TBX1: variants seen among roughly 807,000 people sequenced by gnomAD.
The protein encoded by TBX1 is T-box transcription factor TBX1.
Under a neutral mutation model 40.8 loss-of-function variants are expected in TBX1, and 16 were observed. That is an observed-to-expected ratio of 0.39 (90% CI 0.27 to 0.60). The LOEUF (loss-of-function observed/expected upper bound fraction) is 0.60. TBX1 is among the 20% of genes least tolerant of loss of function. TBX1 has a pLI of 0.51. For synonymous variants in TBX1, 403 were observed against 336.8 expected, an observed-to-expected ratio of 1.20 and a Z score of -2.15; for missense variants, 755 against 728.5, an observed-to-expected ratio of 1.04 and a Z score of -0.42.
downstream of TBX1, chr22:19,783,027 A>G: frequency 1.0e-6 from 1 of 969,624 alleles, no homozygotes; most frequent in Non-Finnish European, 1.7e-6. Flanking sequence ...ACTTGAAGGT[A>G]CTCAGGTTGG....
At chr22:19,781,807 A>G (rs1421550968), downstream of TBX1, among the ~76,000 whole-genome samples, 3 of 152,188 alleles carry the variant, frequency 2.0e-5, no homozygotes, top group Non-Finnish European at 1.5e-5. Context: ...CTTTTCCCCC[A>G]TTGAATGGTC....
intron 3 of TBX1, 76 bp downstream of exon 3, chr22:19,764,402 C>G: frequency 6.4e-7 from 1 of 1,573,420 alleles, no homozygotes; most frequent in South Asian, 1.1e-5. Context: ...CCCTAAGAGG[C>G]CTGTAGAATC....
At chr22:19,768,904 C>T (rs975267273), downstream of TBX1, among the ~76,000 whole-genome samples, 1 of 150,400 alleles carries the variant, frequency 6.6e-6, no homozygotes, top group Non-Finnish European at 1.5e-5. Context: ...AGATGGAGCA[C>T]CCAGCCGTCC....
chr22:19,759,594 G>A, upstream of TBX1: 1 of 1,606,538 alleles, frequency 6.2e-7, no homozygotes, highest in Non-Finnish European at 8.5e-7. Flanking sequence ...CAGGGCTCAG[G>A]GTCCTCCGAC....
At chr22:19,760,058 G>A (rs189657195), upstream of TBX1, among the ~76,000 whole-genome samples, 1 of 151,896 alleles carries the variant, frequency 6.6e-6, no homozygotes, top group African/African-American at 2.4e-5. Context: ...GAGCAAAGGG[G>A]AGAAAACACA....
At position 19,766,512 on chromosome 22, in the gene TBX1, GCGC is replaced by G; in HGVS notation, c.1163_1165del (p.Ala388del). 1 of 1,309,156 alleles carries G rather than the reference GCGC, an allele frequency of 7.6e-7. No individual in the cohort carries two copies. Among genetic ancestry groups the G allele is most frequent in the Non-Finnish European group, 9.7e-7 (1 of 1,033,440 alleles). 81.1% of individuals were successfully genotyped at this position (1,309,156 alleles called of 1,614,324 possible). ...AGCCCCTCGCTGCCCGGGGCCGGCG[GCGC>G]CGGCGGCTTAGTCCCGCTGCCCGGC... On this transcript the variant is annotated inframe_deletion, in exon 7 of 7. Coordinates refer to ENST00000649276, the MANE Select transcript of TBX1 (RefSeq NM_001379200.1).
chr22:19,771,328 C>G (rs770837354), downstream of TBX1, among the ~76,000 whole-genome samples: 5 of 152,176 alleles, frequency 3.3e-5, no homozygotes, highest in Non-Finnish European at 7.3e-5. Flanking sequence ...CAACTGGTGC[C>G]TTTGATTCAA....
downstream of TBX1, among the ~76,000 whole-genome samples, chr22:19,768,649 G>A (rs922639980): frequency 1.3e-5 from 2 of 152,188 alleles, no homozygotes; most frequent in Non-Finnish European, 2.9e-5. Context: ...ACTGCAGAGG[G>A]CCTCCCTCTC....
upstream of TBX1, among the ~76,000 whole-genome samples, chr22:19,760,476 A>G (rs374849274): frequency 3.2e-3 from 468 of 147,756 alleles, 2 homozygotes; most frequent in African/African-American, 9.6e-3. Flanking sequence ...AACGTCTGGG[A>G]GAGAGAGAGG....
rs1294927055 is a variant in TBX1 at position 19,763,335 on chromosome 22, C to T, written c.532C>T (p.Arg178Cys). The T allele has an allele frequency of 3.7e-6, 6 of 1,614,008 alleles. No homozygotes were observed. Among genetic ancestry groups the T allele is most frequent in the Non-Finnish European group, 4.2e-6 (5 of 1,179,888 alleles). ...LMDFVPVDDK[R>C]YRYAFHSSSW... ...GGACTTCGTGCCGGTGGACGATAAG[C>T]GCTACCGGTGAGCGAGTGGTTGTAA... Residue 178 changes from arginine to cysteine, a missense_variant, in exon 2 of 7, where the codon CGC (arginine) becomes TGC (cysteine). Physicochemically the swap from Arg to Cys is radical, Grantham distance 180. Coordinates refer to ENST00000649276, the MANE Select transcript of TBX1 (RefSeq NM_001379200.1).
At position 19,761,206 on chromosome 22, in the gene TBX1, G is replaced by A. The variant is rs1363871602; in HGVS notation, c.363G>A (p.Val121=). Residue 121 remains valine (V), a synonymous_variant, in exon 1 of 7, where the codon GTG becomes GTA. Transcript: ENST00000649276. ...KKNAKVAGVS[V]QLEMKALWDE... ...ACGCGAAGGTGGCCGGTGTGAGCGT[G>A]CAGCTAGAGATGAAGGCGCTGTGGG... The A allele has an allele frequency of 1.3e-6, 2 of 1,564,936 alleles. No homozygotes were observed. The highest frequency in any genetic ancestry group is 2.5e-5 in the East Asian group (1 of 40,066).
chr22:19,765,355 AGTTT>A (rs1418990687), intron 4 of TBX1, among the ~76,000 whole-genome samples: 1 of 151,952 alleles, frequency 6.6e-6, no homozygotes, highest in Non-Finnish European at 1.5e-5. Context: ...TCGTCCTGAA[AGTTT>A]GTTTTCCGAA....
chr22:19,779,396 C>G (rs753046301), exon 9 of TBX1: 1 of 1,614,148 alleles, frequency 6.2e-7, no homozygotes, highest in Non-Finnish European at 8.5e-7. Flanking sequence ...CGCAGGTGAC[C>G]GTCTTTGTTG....
Position 19,760,863 on chromosome 22 carries a change from G to T in TBX1, c.20G>T (p.Ser7Ile). Residue 7 changes from serine (S) to isoleucine (I), a missense_variant, in exon 1 of 7, where the codon AGC becomes ATC. By Grantham distance (142) the Ser-to-Ile change is moderately radical. This residue lies in a region of TBX1 where 199 missense variants were observed against 173.0 expected (regional missense o/e 1.15). Transcript: ENST00000649276. Reference protein sequence around the residue: MISAVSSPWLTQLSHFC... With the variant: MISAVSIPWLTQLSHFC... ...CGGGTCATGATCTCCGCCGTGTCCA[G>T]CCCGTGGCTCACGCAGCTCTCGCAT... 1 of 1,038,704 alleles carries T rather than the reference G, an allele frequency of 9.6e-7. No homozygotes were observed. The highest frequency in any genetic ancestry group is 1.2e-6 in the Non-Finnish European group (1 of 854,332). 64.3% of individuals were successfully genotyped at this position (1,038,704 alleles called of 1,614,324 possible). A position where few individuals can be genotyped will look rare whatever the true frequency, so the allele number is the denominator to read the frequency against.
intron 8 of TBX1, among the ~76,000 whole-genome samples, chr22:19,775,799 C>T (rs1937056147): frequency 6.6e-6 from 1 of 152,158 alleles, no homozygotes. Context: ...CCTCTCCGCA[C>T]TCCTCCCCCT....
intron 1 of TBX1, among the ~76,000 whole-genome samples, chr22:19,762,977 G>A (rs971688437): frequency 3.9e-5 from 6 of 152,236 alleles, no homozygotes; most frequent in Non-Finnish European, 5.9e-5. Context: ...GTTGCCGAAG[G>A]TGGGGGCTCC....
chr22:19,767,043 TG>T lies in TBX1; in HGVS notation c.*179del. The stretch of plus-strand genomic sequence containing the variant: ...GGCCCCCTCGCCACCCCCAGCCCCT[TG>T]GGCTATCGAAGTATCCGGTTCCCCA... On this transcript the variant is annotated 3_prime_UTR_variant, in exon 7 of 7. Transcript: ENST00000649276. 7.6e-7 allele frequency: 1 copy of T among 1,318,868 alleles called. No individual in the cohort carries two copies. Among genetic ancestry groups the T allele is most frequent in the Non-Finnish European group, 9.6e-7 (1 of 1,038,302 alleles). The allele number at this position is 1,318,868 out of a possible 1,614,324, so 81.7% of individuals were successfully genotyped here.
At chr22:19,781,608 G>T (rs558242035), downstream of TBX1, among the ~76,000 whole-genome samples, 6 of 152,200 alleles carry the variant, frequency 3.9e-5, no homozygotes, top group South Asian at 6.2e-4. Flanking sequence ...TCATATCCAA[G>T]AATTTATTGC....
intron 1 of TBX1, among the ~76,000 whole-genome samples, chr22:19,762,844 C>G (rs1601286851): frequency 2.0e-5 from 3 of 152,288 alleles, no homozygotes; most frequent in African/African-American, 7.2e-5. Flanking sequence ...GAGCCGGGAG[C>G]TGCTTCGATC....
Sources: gnomAD v4.1 joint callset for allele counts (sites outside exome capture counted in the v4.1 genomes callset) on GRCh38, gnomAD v4.1.1 for gene constraint, gnomAD v4.1.1 regional missense constraint, MANE v1.5 for transcripts, NCBI Gene and HGNC (gene_info 2026-07-23, HGNC 2026-07-21) for gene names.